Variants in CDH26 observed in about 807,000 individuals in gnomAD.
The protein encoded by CDH26 is cadherin 26, also known as cadherin-like protein 26.
A neutral mutation model predicts 90.3 loss-of-function variants in CDH26; 83 were observed. That is an observed-to-expected ratio of 0.92 (90% CI 0.77 to 1.10). CDH26 has a LOEUF of 1.10. CDH26 is among the 50% of genes least tolerant of loss of function. The pLI is 0.00. For synonymous variants in CDH26, 397 were observed against 396.3 expected, an observed-to-expected ratio of 1.00 and a Z score of -0.02; for missense variants, 1,013 against 1,037.6, an observed-to-expected ratio of 0.98 and a Z score of 0.33.
intron 11 of CDH26, among the ~76,000 whole-genome samples, chr20:59,995,081 T>C (rs2145996839): frequency 6.6e-6 from 1 of 152,162 alleles, no homozygotes; most frequent in East Asian, 1.9e-4. Flanking sequence ...TGTGGCACGG[T>C]TTCAGCTGAA....
chr20:60,004,497 T>G (rs916937842), intron 16 of CDH26, among the ~76,000 whole-genome samples: 1 of 152,058 alleles, frequency 6.6e-6, no homozygotes, highest in Non-Finnish European at 1.5e-5. Flanking sequence ...CAGGGCGCCG[T>G]GGCTCACGTC....
Position 59,994,334 on chromosome 20 carries a change from C to G in CDH26, c.1511C>G (p.Ser504Cys). Residue 504 changes from serine to cysteine, a missense_variant, in exon 11 of 18, where the codon TCC becomes TGC. Ser to Cys is a moderately radical substitution (Grantham distance 112, BLOSUM62 -1). Coordinates refer to ENST00000348616, the MANE Select transcript of CDH26 (RefSeq NM_177980.4). ...AACGTCCCGACTCTCCGGCCACGTT[C>G]CCGCTACATGGAGGTCTGTGAGTCT... ...NDNVPTLRPRSRYMEVCESAV... is the reference protein window; with the variant it reads ...NDNVPTLRPRCRYMEVCESAV... 1 of 1,614,062 alleles carries G rather than the reference C, an allele frequency of 6.2e-7. No homozygotes were observed. The highest frequency in any genetic ancestry group is 8.5e-7 in the Non-Finnish European group (1 of 1,180,018).
chr20:59,980,759 T>C (rs893463361), intron 4 of CDH26, among the ~76,000 whole-genome samples: 2 of 152,254 alleles, frequency 1.3e-5, no homozygotes, highest in African/African-American at 4.8e-5. Context: ...GCAAAAGTTA[T>C]TACATTTTGA....
At chr20:59,989,266 C>A in intron 9 of CDH26, 103 bp downstream of exon 9, 3 of 1,456,114 alleles carry the variant, frequency 2.1e-6, no homozygotes, top group Non-Finnish European at 2.8e-6. Context: ...CGGTGGCTCA[C>A]GCCTGTAATC....
intron 4 of CDH26, among the ~76,000 whole-genome samples, chr20:59,978,210 G>A (rs1156881536): frequency 6.6e-6 from 1 of 152,108 alleles, no homozygotes; most frequent in Non-Finnish European, 1.5e-5. Flanking sequence ...TGTGTGTGCA[G>A]GTTGTCAGGT....
chr20:60,020,153 G>T (rs2061941097), intron 7 of CDH26, among the ~76,000 whole-genome samples: 2 of 152,192 alleles, frequency 1.3e-5, no homozygotes, highest in South Asian at 4.1e-4. Flanking sequence ...TATTACTCTG[G>T]CTGGGGGCAC....
exon 9 of CDH26, chr20:60,033,830 A>C: frequency 9.3e-7 from 1 of 1,071,332 alleles, no homozygotes; most frequent in South Asian, 2.0e-5. Flanking sequence ...ATAATGTGCA[A>C]AGCCCTGGTC....
intron 9 of CDH26, among the ~76,000 whole-genome samples, chr20:59,991,371 A>G (rs1047569809): frequency 1.3e-5 from 2 of 152,136 alleles, no homozygotes; most frequent in African/African-American, 4.8e-5. Flanking sequence ...GTCTTTTGTG[A>G]CAGGGTGGAG....
intron 16 of CDH26, among the ~76,000 whole-genome samples, chr20:60,003,893 C>T (rs1330742165): frequency 6.6e-6 from 1 of 152,168 alleles, no homozygotes; most frequent in Non-Finnish European, 1.5e-5. Flanking sequence ...GGACCTGAAG[C>T]TGGCTTGAGG....
At chr20:60,018,121 A>G (rs531191163), downstream of CDH26, among the ~76,000 whole-genome samples, 1 of 152,098 alleles carries the variant, frequency 6.6e-6, no homozygotes, top group East Asian at 1.9e-4. Context: ...TACTAGGTCT[A>G]TTTGGTAGGT....
At chr20:59,976,499 T>C (rs1211269779) in intron 4 of CDH26, among the ~76,000 whole-genome samples, 9 of 152,254 alleles carry the variant, frequency 5.9e-5, no homozygotes, top group Admixed American at 5.9e-4. Flanking sequence ...GTGGTTCTTT[T>C]TTTAAATGGA....
At chr20:59,995,769 C>G (rs8122451) in intron 11 of CDH26, 64 bp from the exon 12 acceptor site, 9 of 1,447,488 alleles carry the variant, frequency 6.2e-6, no homozygotes, top group South Asian at 4.6e-5. Context: ...GTTCAGTAAG[C>G]GTGTGTTGAG....
chr20:59,983,190 C>G, intron 5 of CDH26, 120 bp downstream of exon 5: 2 of 1,184,520 alleles, frequency 1.7e-6, no homozygotes, highest in East Asian at 4.8e-5. Flanking sequence ...GTTCACATCT[C>G]AAAGATCGCA....
chr20:59,961,958 A>C (rs2061081182), intron 1 of CDH26, among the ~76,000 whole-genome samples: 1 of 152,190 alleles, frequency 6.6e-6, no homozygotes, highest in Non-Finnish European at 1.5e-5. Context: ...TGGCGTTGTT[A>C]CCAATCTGGG....
At chr20:59,964,424 A>G (rs1228639112) in intron 1 of CDH26, among the ~76,000 whole-genome samples, 1 of 152,078 alleles carries the variant, frequency 6.6e-6, no homozygotes, top group African/African-American at 2.4e-5. Context: ...ACAAGCATCT[A>G]GAAAGAACCC....
intron 4 of CDH26, among the ~76,000 whole-genome samples, chr20:59,979,380 G>T (rs955063046): frequency 2.6e-5 from 4 of 151,738 alleles, no homozygotes; most frequent in Non-Finnish European, 4.4e-5. Flanking sequence ...TTGTGTTTTA[G>T]TAGAGATAGG....
chr20:59,999,663 G>A lies in CDH26; in HGVS notation c.2097G>A (p.Lys699=), dbSNP rs370359183. 39 of 1,613,888 alleles carry A rather than the reference G, an allele frequency of 2.4e-5. No homozygotes were observed. In the African/African-American group the frequency reaches 3.6e-4, roughly 15 times the overall value. Residue 699 remains lysine, a splice_region_variant and synonymous_variant, in exon 14 of 18, where the codon AAG becomes AAA. Coordinates refer to ENST00000348616, the MANE Select transcript of CDH26 (RefSeq NM_177980.4). The part of the protein sequence containing the change: ...TAAAGPTQGV[K]DLEEVPPSAA... ...CAGCAGGACCCACGCAGGGAGTTAA[G>A]GTAACATGCCCCTTACTTGCTTCTG...
At chr20:60,035,155 G>T (rs2062073716), downstream of CDH26, among the ~76,000 whole-genome samples, 1 of 152,202 alleles carries the variant, frequency 6.6e-6, no homozygotes. Context: ...TTATGTCATT[G>T]TTTGTACGAC....
chr20:60,033,456 C>A, intron 8 of CDH26: 1 of 1,296,708 alleles, frequency 7.7e-7, no homozygotes, highest in Non-Finnish European at 1.0e-6. Flanking sequence ...TTATTTAATT[C>A]TCACTTTCTG....
Sources: gnomAD v4.1 joint callset for allele counts (sites outside exome capture counted in the v4.1 genomes callset) on GRCh38, gnomAD v4.1.1 for gene constraint, MANE v1.5 for transcripts, NCBI Gene and HGNC (gene_info 2026-07-23, HGNC 2026-07-21) for gene names.